The following RAB14 variants were observed in gnomAD, a reference collection of about 807,000 sequenced individuals.
RAB14 encodes ras-related protein Rab-14.
A neutral mutation model predicts 31.1 loss-of-function variants in RAB14; 3 were observed. The observed-to-expected ratio is 0.10, with a 90% CI of 0.04 to 0.25. RAB14 has a LOEUF of 0.25. Among genes scored for constraint, RAB14 ranks in the 10% least tolerant of loss-of-function variants. The probability of loss-of-function intolerance (pLI) is 1.00; values close to 1 mark genes in which losing one functional copy is unlikely to be tolerated. For synonymous variants in RAB14, 85 were observed against 84.9 expected, an observed-to-expected ratio of 1.00 and a Z score of 0.00; for missense variants, 111 against 260.1, an observed-to-expected ratio of 0.43 and a Z score of 3.94.
intron 5 of RAB14, among the ~76,000 whole-genome samples, chr9:121,185,981 A>G (rs1291275656): frequency 6.6e-6 from 1 of 152,188 alleles, no homozygotes; most frequent in Non-Finnish European, 1.5e-5. Flanking sequence ...CTGACTCTCA[A>G]TATGATTAAA....
chr9:121,193,896 AATTT>A (rs2053699811), intron 1 of RAB14, among the ~76,000 whole-genome samples: 1 of 152,142 alleles, frequency 6.6e-6, no homozygotes, highest in African/African-American at 2.4e-5. Flanking sequence ...GGAACCACTT[AATTT>A]ATAAACACAA....
At chr9:121,201,027 G>C (rs1042470642) in intron 1 of RAB14, among the ~76,000 whole-genome samples, 1 of 152,104 alleles carries the variant, frequency 6.6e-6, no homozygotes, top group Admixed American at 6.5e-5. Flanking sequence ...ACCAAAACCA[G>C]GACATCGCAA....
intron 1 of RAB14, among the ~76,000 whole-genome samples, chr9:121,197,993 T>C (rs901696418): frequency 1.3e-5 from 2 of 150,646 alleles, no homozygotes; most frequent in Non-Finnish European, 3.0e-5. Context: ...GTTGCAGAGT[T>C]TTATGCAACA....
chr9:121,183,288 C>T lies in RAB14; in HGVS notation c.439+23G>A, dbSNP rs770648138. On this transcript the variant is annotated intron_variant, in intron 6 of 7. Coordinates refer to ENST00000373840, the MANE Select transcript of RAB14 (RefSeq NM_016322.4). Reference sequence around the variant, plus strand: ...CCTTAAAAATTCTCCCAATTGTGACCATTAAGTCTTAAAGAAACTCACCAT... The same window carrying T: ...CCTTAAAAATTCTCCCAATTGTGACTATTAAGTCTTAAAGAAACTCACCAT... 2.3e-5 allele frequency: 36 copies of T among 1,568,040 alleles called. 1 individual carries two copies. The South Asian group carries it at 2.7e-4, about 12-fold the overall frequency.
chr9:121,188,006 C>G (rs768465374), intron 4 of RAB14, among the ~76,000 whole-genome samples: 2 of 151,892 alleles, frequency 1.3e-5, no homozygotes, highest in Non-Finnish European at 2.9e-5. Flanking sequence ...GCTGCCAGTT[C>G]TCATAGAAAA....
At chr9:121,181,672 C>T in intron 7 of RAB14, 99 bp from the exon 8 acceptor site, 1 of 826,242 alleles carries the variant, frequency 1.2e-6, no homozygotes, top group Admixed American at 2.6e-5. Context: ...CATGATGTCT[C>T]CAACTTAACC....
intron 1 of RAB14, among the ~76,000 whole-genome samples, chr9:121,195,253 T>C (rs1214193955): frequency 1.3e-5 from 2 of 152,162 alleles, no homozygotes; most frequent in African/African-American, 4.8e-5. Flanking sequence ...CCGACTCTTC[T>C]AATCAATTTT....
chr9:121,193,398 T>C lies in RAB14; in HGVS notation c.15A>G (p.Pro5=). The C allele has an allele frequency of 7.6e-6, 12 of 1,583,534 alleles. No individual in the cohort carries two copies. Among genetic ancestry groups the C allele is most frequent in the Middle Eastern group, 1.7e-4 (1 of 5,738 alleles). Residue 5 remains proline (P), a synonymous_variant, in exon 2 of 8, where the codon CCA becomes CCG. Transcript: ENST00000373840. MATA[P]YNYSYIFKYI... is the part of the protein sequence containing the mutation. ...ATTTAAAGATGTAAGAGTAGTTGTATGGTGCAGTTGCCATGGTGGCACTAA... is the reference window on the plus strand; with the variant it reads ...ATTTAAAGATGTAAGAGTAGTTGTACGGTGCAGTTGCCATGGTGGCACTAA...
chr9:121,197,100 G>C (rs2053721715), intron 1 of RAB14, among the ~76,000 whole-genome samples: 1 of 152,118 alleles, frequency 6.6e-6, no homozygotes, highest in African/African-American at 2.4e-5. Context: ...GGTATGTACA[G>C]GTAGACTGAT....
intron 5 of RAB14, among the ~76,000 whole-genome samples, chr9:121,184,153 C>T (rs768245469): frequency 1.3e-5 from 2 of 152,100 alleles, no homozygotes; most frequent in African/African-American, 2.4e-5. Flanking sequence ...ACTATCCTAC[C>T]CCACACTATC....
intron 1 of RAB14, among the ~76,000 whole-genome samples, chr9:121,200,184 C>T (rs1026253945): frequency 1.3e-5 from 2 of 152,084 alleles, no homozygotes; most frequent in Non-Finnish European, 2.9e-5. Context: ...CTCTTAACCA[C>T]GACATACCTC....
chr9:121,190,150 A>C (rs1035942226), intron 4 of RAB14, among the ~76,000 whole-genome samples: 3 of 152,108 alleles, frequency 2.0e-5, no homozygotes, highest in Non-Finnish European at 4.4e-5. Context: ...GGACTAGCAA[A>C]ACTCTTTGCT....
rs943604227 is a variant in RAB14 at position 121,193,389 on chromosome 9, G to A, written c.24C>T (p.Tyr8=). 11 of 1,586,132 alleles carry A rather than the reference G, an allele frequency of 6.9e-6. No individual in the cohort carries two copies. The highest frequency in any genetic ancestry group is 9.4e-6 in the Non-Finnish European group (11 of 1,168,994). ...TAATAATATATTTAAAGATGTAAGAGTAGTTGTATGGTGCAGTTGCCATGG... is the reference window on the plus strand; with the variant it reads ...TAATAATATATTTAAAGATGTAAGAATAGTTGTATGGTGCAGTTGCCATGG... MATAPYN[Y]SYIFKYIIIG... Residue 8 remains tyrosine (Y), a synonymous_variant, in exon 2 of 8, where the codon TAC becomes TAT. Coordinates refer to ENST00000373840, the MANE Select transcript of RAB14 (RefSeq NM_016322.4).
rs2053631754 is a variant in RAB14, at chr9:121,181,282, C to T, written c.*114G>A. ...AACTGTTTTTACAACAGAGTTTTTT[C>T]TTTTTTTTTAATTAAACCCAGTAAG... On this transcript the variant is annotated 3_prime_UTR_variant, in exon 8 of 8. Transcript: ENST00000373840. 1 of 1,124,260 alleles carries T rather than the reference C, an allele frequency of 8.9e-7. No individual in the cohort carries two copies. The highest frequency in any genetic ancestry group is 1.2e-6 in the Non-Finnish European group (1 of 829,160). The allele number at this position is 1,124,260 out of a possible 1,614,324, so 69.6% of individuals were successfully genotyped here.
intron 1 of RAB14, among the ~76,000 whole-genome samples, chr9:121,200,418 C>G (rs751961785): frequency 6.6e-6 from 1 of 152,172 alleles, no homozygotes; most frequent in Non-Finnish European, 1.5e-5. Context: ...GTAAACTTTG[C>G]AAGAGTTCAA....
chr9:121,197,713 G>T (rs2053726004), intron 1 of RAB14, among the ~76,000 whole-genome samples: 3 of 152,122 alleles, frequency 2.0e-5, no homozygotes, highest in African/African-American at 7.2e-5. Context: ...AAAGTAATCA[G>T]TATGTTTAAA....
chr9:121,200,338 C>T (rs926797546), intron 1 of RAB14, among the ~76,000 whole-genome samples: 2 of 152,196 alleles, frequency 1.3e-5, no homozygotes, highest in African/African-American at 4.8e-5. Flanking sequence ...GCAGTTGTTC[C>T]TCTACAATAT....
chr9:121,196,310 G>C (rs1040460508), intron 1 of RAB14, among the ~76,000 whole-genome samples: 5 of 151,996 alleles, frequency 3.3e-5, no homozygotes, highest in African/African-American at 9.7e-5. Flanking sequence ...GATCTTTATT[G>C]CCTTTAAAGG....
rs2053609871 is a variant in RAB14 at position 121,178,410 on chromosome 9, A to T, written c.*2986T>A. The T allele has an allele frequency of 6.6e-6, 1 of 152,598 alleles. No homozygotes were observed. Among genetic ancestry groups the T allele is most frequent in the Admixed American group, 6.5e-5 (1 of 15,284 alleles). 9.5% of individuals were successfully genotyped at this position (152,598 alleles called of 1,614,324 possible). On this transcript the variant is annotated 3_prime_UTR_variant, in exon 8 of 8. Coordinates refer to ENST00000373840, the MANE Select transcript of RAB14 (RefSeq NM_016322.4). ...CTGGGCCTGTGTTGAATGAGGATAA[A>T]TTATCTTTTCTCTAAAATGCCACAT...
Sources: allele counts gnomAD v4.1 joint callset (sites outside exome capture counted in the v4.1 genomes callset), GRCh38; gene constraint gnomAD v4.1.1; transcripts MANE v1.5; gene names NCBI Gene and HGNC (gene_info 2026-07-23, HGNC 2026-07-21).